Variants in PTPN3 observed in about 807,000 individuals in gnomAD.
The protein encoded by PTPN3 is tyrosine-protein phosphatase non-receptor type 3.
In PTPN3, 96 loss-of-function variants were observed where a neutral mutation model predicts 132.7. That is an observed-to-expected ratio of 0.72 (90% CI 0.61 to 0.86). PTPN3 has a LOEUF of 0.86. PTPN3 is among the 40% of genes least tolerant of loss of function. PTPN3 has a pLI of 0.00. For missense variants in PTPN3, 1,125 were observed against 1,159.6 expected (o/e 0.97, Z 0.43); for synonymous variants, 398 against 429.0 (o/e 0.93, Z 0.89).
the PTPN3 span, chr9:109,533,301 C>T: frequency 2.5e-6 from 1 of 406,876 alleles, no homozygotes; most frequent in Non-Finnish European, 4.6e-6. Flanking sequence ...CCCGCCACCG[C>T]GCCCGGCTAA....
the PTPN3 span, among the ~76,000 whole-genome samples, chr9:109,526,626 G>A: frequency 4.3e-4 from 66 of 152,210 alleles, no homozygotes; most frequent in African/African-American, 1.5e-3. Flanking sequence ...AGTGGGCTGC[G>A]TTCATGCCAC....
intron 10 of PTPN3, among the ~76,000 whole-genome samples, chr9:109,431,693 C>T (rs904244433): frequency 6.6e-6 from 1 of 152,186 alleles, no homozygotes; most frequent in Admixed American, 6.5e-5. Flanking sequence ...AACTGAACAG[C>T]GTCTATTAAG....
intron 10 of PTPN3, chr9:109,429,139 A>T (rs1843491365): frequency 1.2e-6 from 1 of 817,350 alleles, no homozygotes; most frequent in Admixed American, 6.2e-5. Flanking sequence ...AGTCACCATT[A>T]ACTGAACATT....
chr9:109,511,315 G>A, the PTPN3 span, among the ~76,000 whole-genome samples: 2 of 152,160 alleles, frequency 1.3e-5, no homozygotes, highest in African/African-American at 4.8e-5. Flanking sequence ...GTGGGGAAGT[G>A]AGAAGATACA....
At chr9:109,408,962 A>G (rs1217978125) in intron 16 of PTPN3, among the ~76,000 whole-genome samples, 1 of 151,472 alleles carries the variant, frequency 6.6e-6, no homozygotes, top group Admixed American at 6.6e-5. Context: ...GCTGGTCCTC[A>G]ACACAGCTGC....
the PTPN3 span, among the ~76,000 whole-genome samples, chr9:109,520,271 C>T: frequency 7.5e-3 from 1,147 of 152,188 alleles, 10 homozygotes; most frequent in African/African-American, 0.026. Flanking sequence ...GGGAACTTGA[C>T]TCCAATTTCA....
intron 24 of PTPN3, among the ~76,000 whole-genome samples, chr9:109,382,010 C>T (rs1009942320): frequency 3.3e-5 from 5 of 152,206 alleles, no homozygotes; most frequent in African/African-American, 7.2e-5. Context: ...CTGTGAAGTG[C>T]CAAACCTATT....
chr9:109,452,747 G>A (rs1420905126), intron 5 of PTPN3, among the ~76,000 whole-genome samples: 1 of 152,028 alleles, frequency 6.6e-6, no homozygotes, highest in Non-Finnish European at 1.5e-5. Context: ...TTTTTGTAGA[G>A]GCAGGGTCTT....
At chr9:109,464,564 A>G (rs1015674096) in intron 1 of PTPN3, among the ~76,000 whole-genome samples, 1 of 152,176 alleles carries the variant, frequency 6.6e-6, no homozygotes, top group South Asian at 2.1e-4. Flanking sequence ...GCTAAAAAAA[A>G]TTTTTTTTAA....
intron 7 of PTPN3, among the ~76,000 whole-genome samples, chr9:109,443,864 T>C (rs558072126): frequency 6.6e-6 from 1 of 152,186 alleles, no homozygotes; most frequent in African/African-American, 2.4e-5. Flanking sequence ...GTACTCGTCT[T>C]ACTCGTGAAT....
chr9:109,415,109 T>A (rs1278636617), intron 14 of PTPN3, among the ~76,000 whole-genome samples: 5 of 151,214 alleles, frequency 3.3e-5, no homozygotes, highest in Admixed American at 2.6e-4. Context: ...CATCCATCCA[T>A]CCATCCATCC....
intron 8 of PTPN3, among the ~76,000 whole-genome samples, chr9:109,437,274 G>C (rs578228655): frequency 3.6e-4 from 55 of 152,144 alleles, no homozygotes; most frequent in Non-Finnish European, 2.5e-4. Context: ...ATTCCAAGTT[G>C]CTAATTAGTA....
the PTPN3 span, chr9:109,532,785 G>T: frequency 1.9e-6 from 1 of 533,452 alleles, no homozygotes; most frequent in Non-Finnish European, 2.8e-6. Flanking sequence ...ATTTCTTCTT[G>T]TTGGATGACT....
intron 24 of PTPN3, 21 bp from the exon 25 acceptor site, chr9:109,381,808 AGACTTGG>A (rs1307807560): frequency 6.2e-7 from 1 of 1,614,036 alleles, no homozygotes; most frequent in Non-Finnish European, 8.5e-7. Context: ...GAGAGAAGAC[AGACTTGG>A]GATTTGTCTG....
chr9:109,418,332 C>T (rs549119607), intron 14 of PTPN3, among the ~76,000 whole-genome samples: 65 of 152,314 alleles, frequency 4.3e-4, no homozygotes, highest in African/African-American at 1.5e-3. Flanking sequence ...CTCTAAAGTG[C>T]CTGCATGTCA....
intron 23 of PTPN3, among the ~76,000 whole-genome samples, 183 bp from the exon 24 acceptor site, chr9:109,382,630 C>T (rs1323460612): frequency 6.6e-6 from 1 of 152,144 alleles, no homozygotes; most frequent in African/African-American, 2.4e-5. Flanking sequence ...TCAGGCTCAG[C>T]TGTGGGCCTG....
At chr9:109,493,374 G>C (rs1316960984) in intron 1 of PTPN3, among the ~76,000 whole-genome samples, 1 of 152,098 alleles carries the variant, frequency 6.6e-6, no homozygotes, top group Non-Finnish European at 1.5e-5. Flanking sequence ...AATGGGGCTG[G>C]AAGGAATCAG....
intron 9 of PTPN3, among the ~76,000 whole-genome samples, chr9:109,434,909 C>T (rs1843924119): frequency 6.6e-6 from 1 of 152,152 alleles, no homozygotes; most frequent in Non-Finnish European, 1.5e-5. Context: ...ACAATGTGAA[C>T]ATGGAGTTAG....
the PTPN3 span, chr9:109,533,891 C>T: frequency 9.2e-6 from 7 of 759,622 alleles, no homozygotes; most frequent in East Asian, 1.7e-4. Flanking sequence ...ACGTGGATAG[C>T]ATCTATAAGG....
Sources: allele counts gnomAD v4.1 joint callset (sites outside exome capture counted in the v4.1 genomes callset), GRCh38; gene constraint gnomAD v4.1.1; transcripts MANE v1.5; gene names NCBI Gene and HGNC (gene_info 2026-07-23, HGNC 2026-07-21).